The following PLD5 variants were observed in gnomAD, a reference collection of about 807,000 sequenced individuals.
PLD5 encodes the protein inactive phospholipase D5.
A neutral mutation model predicts 61.1 loss-of-function variants in PLD5; 36 were observed. The ratio of observed to expected loss-of-function variants is 0.59; its 90% confidence interval spans 0.45 to 0.78. The LOEUF is 0.78. PLD5 is among the 30% of genes least tolerant of loss of function. The pLI is 0.00. For synonymous variants in PLD5, 243 were observed against 242.8 expected, an observed-to-expected ratio of 1.00 and a Z score of -0.01; for missense variants, 515 against 644.4, an observed-to-expected ratio of 0.80 and a Z score of 2.17.
intron 5 of PLD5, among the ~76,000 whole-genome samples, chr1:242,193,582 A>G (rs1668419971): frequency 6.6e-6 from 1 of 151,918 alleles, no homozygotes; most frequent in Non-Finnish European, 1.5e-5. Context: ...CTTGTTGTTC[A>G]CTCCTTGTAG....
intron 5 of PLD5, among the ~76,000 whole-genome samples, chr1:242,197,633 C>CTTT (rs111450387): frequency 9.5e-6 from 1 of 105,428 alleles, no homozygotes; most frequent in Admixed American, 8.7e-5. Context: ...TAATTGCACA[C>CTTT]TTTTTTTTTT....
chr1:242,386,829 G>A (rs146692619), intron 1 of PLD5, among the ~76,000 whole-genome samples: 49 of 152,310 alleles, frequency 3.2e-4, no homozygotes, highest in African/African-American at 9.9e-4. Context: ...CTGATGTACA[G>A]GTATTATACA....
intron 1 of PLD5, among the ~76,000 whole-genome samples, chr1:242,401,769 G>A (rs565058401): frequency 1.8e-4 from 27 of 152,252 alleles, no homozygotes; most frequent in African/African-American, 6.5e-4. Context: ...TCTGCCCCTG[G>A]TCTGTTCCAT....
chr1:242,301,629 T>C (rs904108193), intron 2 of PLD5, among the ~76,000 whole-genome samples: 19 of 152,314 alleles, frequency 1.2e-4, no homozygotes, highest in African/African-American at 4.3e-4. Flanking sequence ...CTAGCGTTTA[T>C]CTGTCATTAG....
At chr1:242,336,434 A>G (rs1017756503) in intron 2 of PLD5, among the ~76,000 whole-genome samples, 25 of 152,338 alleles carry the variant, frequency 1.6e-4, no homozygotes, top group African/African-American at 6.0e-4. Flanking sequence ...ACAAAGGACT[A>G]GTTGAATTAT....
At position 242,089,688 on chromosome 1, in the gene PLD5, G is replaced by T; in HGVS notation, c.*166C>A. The stretch of plus-strand genomic sequence containing the variant: ...CAAAAGTCTTAATTTTAGTGTACAC[G>T]ACGCTAAGATATTGTTAGATAGGTA... On this transcript the variant is annotated 3_prime_UTR_variant, in exon 10 of 10. Coordinates refer to ENST00000536534, the MANE Select transcript of PLD5 (RefSeq NM_001372062.1). 1.2e-6 allele frequency: 1 copy of T among 822,374 alleles called. No individual in the cohort carries two copies. 50.9% of individuals were successfully genotyped at this position (822,374 alleles called of 1,614,324 possible). A position where few individuals can be genotyped will look rare whatever the true frequency, so the allele number is the denominator to read the frequency against.
intron 3 of PLD5, among the ~76,000 whole-genome samples, chr1:242,271,480 C>T (rs2149112886): frequency 6.6e-6 from 1 of 152,160 alleles, no homozygotes; most frequent in East Asian, 1.9e-4. Context: ...GGAGAAAGAA[C>T]AACCTCTCAC....
chr1:242,486,814 A>G (rs1264309275), intron 1 of PLD5, among the ~76,000 whole-genome samples: 1 of 152,154 alleles, frequency 6.6e-6, no homozygotes, highest in East Asian at 1.9e-4. Flanking sequence ...ACCAACCCAA[A>G]TGTCCAACAA....
upstream of PLD5, among the ~76,000 whole-genome samples, chr1:242,526,130 G>C (rs913410970): frequency 6.6e-6 from 1 of 152,196 alleles, no homozygotes; most frequent in Non-Finnish European, 1.5e-5. Context: ...AGGCCAGGCG[G>C]AGTGGCTCAG....
At chr1:242,235,132 C>T (rs1037575280) in intron 4 of PLD5, among the ~76,000 whole-genome samples, 1 of 152,116 alleles carries the variant, frequency 6.6e-6, no homozygotes, top group African/African-American at 2.4e-5. Flanking sequence ...TGTAACCGCT[C>T]ATCACAAGAG....
chr1:242,495,561 C>T (rs1049638248), intron 1 of PLD5, among the ~76,000 whole-genome samples: 10 of 152,028 alleles, frequency 6.6e-5, no homozygotes, highest in East Asian at 1.9e-4. Flanking sequence ...TATTTTAGAA[C>T]GTCTTTACCA....
chr1:242,231,212 T>C (rs1671280082), intron 4 of PLD5, among the ~76,000 whole-genome samples: 1 of 152,146 alleles, frequency 6.6e-6, no homozygotes, highest in African/African-American at 2.4e-5. Flanking sequence ...GTGCTACGGC[T>C]TCCTCCCTCT....
At position 242,121,734 on chromosome 1, in the gene PLD5, A is replaced by C. The variant is rs533232208; in HGVS notation, c.933+2734T>G. 3.3e-5 allele frequency among the ~76,000 whole-genome samples: 5 copies of C among 152,230 alleles called. No homozygotes were observed. The East Asian group carries it at 9.7e-4, about 29-fold the overall frequency. Reference sequence around the variant, plus strand: ...AGACTGGATTAAGAAAATGTGACAGATATACACCACGGAATACTATGCAGC... The same window carrying C: ...AGACTGGATTAAGAAAATGTGACAGCTATACACCACGGAATACTATGCAGC... On this transcript the variant is annotated intron_variant, in intron 6 of 9. Coordinates refer to ENST00000536534, the MANE Select transcript of PLD5 (RefSeq NM_001372062.1).
intron 1 of PLD5, among the ~76,000 whole-genome samples, chr1:242,465,719 G>C (rs1439334762): frequency 1.2e-4 from 19 of 152,152 alleles, no homozygotes; most frequent in Non-Finnish European, 2.9e-5. Flanking sequence ...ATGAGGTCAG[G>C]AGTTCAAGAC....
chr1:242,411,456 C>G (rs367975371), intron 1 of PLD5, among the ~76,000 whole-genome samples: 2 of 152,026 alleles, frequency 1.3e-5, no homozygotes, highest in Non-Finnish European at 2.9e-5. Flanking sequence ...AGGGTGGTCT[C>G]GATCTCCTGA....
rs538920389 is a variant in PLD5, at chr1:242,317,587, T to A, written c.327-29057A>T. Among the ~76,000 whole-genome samples the A allele has an allele frequency of 6.6e-5, 10 of 152,302 alleles. No homozygotes were observed. In the East Asian group the frequency reaches 1.7e-3, roughly 26 times the overall value. On this transcript the variant is annotated intron_variant, in intron 2 of 9. Coordinates refer to ENST00000536534, the MANE Select transcript of PLD5 (RefSeq NM_001372062.1). ...CTCAGAATGAATGGTGATTTTTTTTTAAAACTCTATGTCCTATTACTTGTT... is the reference window on the plus strand; with the variant it reads ...CTCAGAATGAATGGTGATTTTTTTTAAAAACTCTATGTCCTATTACTTGTT...
intron 4 of PLD5, among the ~76,000 whole-genome samples, chr1:242,222,250 A>C (rs1172020666): frequency 6.6e-6 from 1 of 152,194 alleles, no homozygotes; most frequent in Non-Finnish European, 1.5e-5. Context: ...GTAAGGTCAC[A>C]GTCTGCAGTT....
At chr1:242,463,974 A>G (rs544227418) in intron 1 of PLD5, among the ~76,000 whole-genome samples, 1 of 152,204 alleles carries the variant, frequency 6.6e-6, no homozygotes. Context: ...GAGTACCTCC[A>G]TTCCCCACCT....
chr1:242,231,212 T>TTCCTCCCTCTTCC (rs374931430), intron 4 of PLD5, among the ~76,000 whole-genome samples: 1 of 152,146 alleles, frequency 6.6e-6, no homozygotes, highest in Non-Finnish European at 1.5e-5. Flanking sequence ...GTGCTACGGC[T>TTCCTCCCTCTTCC]TCCTCCCTCT....
Sources: allele counts gnomAD v4.1 joint callset (sites outside exome capture counted in the v4.1 genomes callset), GRCh38; gene constraint gnomAD v4.1.1; transcripts MANE v1.5; gene names NCBI Gene and HGNC (gene_info 2026-07-23, HGNC 2026-07-21).